The following CNIH3 variants were observed in gnomAD, a reference collection of about 807,000 sequenced individuals.
CNIH3 encodes cornichon family AMPA receptor auxiliary protein 3, also known as protein cornichon homolog 3.
CNIH3 carries 14 observed loss-of-function variants against 24.1 expected under a neutral mutation model. The observed-to-expected ratio is 0.58, with a 90% CI of 0.38 to 0.91. The LOEUF (loss-of-function observed/expected upper bound fraction) is 0.91, where lower values mean the gene tolerates loss of function less well. CNIH3 is among the 40% of genes least tolerant of loss of function. The pLI is 0.00. For synonymous variants in CNIH3, 68 were observed against 73.8 expected (o/e 0.92, Z 0.40); for missense variants, 178 against 196.8 (o/e 0.90, Z 0.57).
At chr1:224,434,863 G>T in intron 1 of CNIH3, 2 of 985,598 alleles carry the variant, frequency 2.0e-6, no homozygotes, top group Non-Finnish European at 1.2e-6. Context: ...CCGGTGGCAG[G>T]TATGGAACCT....
chr1:224,444,616 G>A (rs554561819), intron 1 of CNIH3, among the ~76,000 whole-genome samples: 78 of 151,710 alleles, frequency 5.1e-4, no homozygotes, highest in African/African-American at 1.8e-3. Flanking sequence ...CCAAAGTGCC[G>A]AGATTACAGG....
intron 2 of CNIH3, among the ~76,000 whole-genome samples, chr1:224,534,341 G>A (rs1679198173): frequency 6.6e-6 from 1 of 152,184 alleles, no homozygotes; most frequent in African/African-American, 2.4e-5. Context: ...ATGTCTGGTG[G>A]AGTCTGGAAA....
At chr1:224,669,359 C>T (rs1685752400) in intron 1 of CNIH3, among the ~76,000 whole-genome samples, 1 of 152,202 alleles carries the variant, frequency 6.6e-6, no homozygotes, top group African/African-American at 2.4e-5. Flanking sequence ...TCATTCAGGT[C>T]TAGGGACTCT....
chr1:224,587,665 A>C (rs1681567481), intron 5 of CNIH3, among the ~76,000 whole-genome samples: 1 of 152,210 alleles, frequency 6.6e-6, no homozygotes, highest in Admixed American at 6.5e-5. Flanking sequence ...CAGGCCGGGC[A>C]TAGTGGCTTA....
intron 1 of CNIH3, among the ~76,000 whole-genome samples, chr1:224,625,914 G>A (rs978946513): frequency 1.3e-5 from 2 of 152,006 alleles, no homozygotes; most frequent in Non-Finnish European, 1.5e-5. Context: ...TCAAGATAGC[G>A]ATCCCACTGC....
chr1:224,563,466 T>TGTGTGC (rs1045718013), intron 3 of CNIH3, among the ~76,000 whole-genome samples: 1 of 115,066 alleles, frequency 8.7e-6, no homozygotes, highest in African/African-American at 3.3e-5. Flanking sequence ...ACGGGGTGTG[T>TGTGTGC]GTGTGTGTGT....
chr1:224,655,078 G>C (rs1460648806), intron 1 of CNIH3, among the ~76,000 whole-genome samples: 1 of 152,206 alleles, frequency 6.6e-6, no homozygotes, highest in East Asian at 1.9e-4. Flanking sequence ...GGATGATGTG[G>C]CACCAGGATC....
intron 2 of CNIH3, among the ~76,000 whole-genome samples, chr1:224,527,703 A>G (rs1218687887): frequency 2.0e-5 from 3 of 152,190 alleles, no homozygotes; most frequent in African/African-American, 7.2e-5. Context: ...CAGGACTCAT[A>G]TATAGAGTTT....
chr1:224,502,510 G>A (rs531340638), intron 1 of CNIH3, among the ~76,000 whole-genome samples: 2 of 152,324 alleles, frequency 1.3e-5, no homozygotes, highest in South Asian at 4.1e-4. Context: ...CTCCTGGCTT[G>A]CATGAGCAGA....
At chr1:224,668,044 A>G (rs180836442) in intron 1 of CNIH3, among the ~76,000 whole-genome samples, 8 of 152,354 alleles carry the variant, frequency 5.3e-5, no homozygotes, top group African/African-American at 1.4e-4. Context: ...TAAGAACACA[A>G]GGAACAGAAA....
intron 3 of CNIH3, among the ~76,000 whole-genome samples, chr1:224,554,755 CATT>C (rs1680066476): frequency 6.6e-6 from 1 of 151,902 alleles, no homozygotes; most frequent in East Asian, 1.9e-4. Flanking sequence ...AGATAATAAT[CATT>C]ATTGTTTTTG....
chr1:224,472,171 A>T (rs1254816401), intron 1 of CNIH3, among the ~76,000 whole-genome samples: 1 of 152,152 alleles, frequency 6.6e-6, no homozygotes, highest in Non-Finnish European at 1.5e-5. Flanking sequence ...TGGTTGTACT[A>T]ATTTACATTC....
chr1:224,538,193 TC>T (rs914000087), downstream of CNIH3, among the ~76,000 whole-genome samples: 5 of 151,964 alleles, frequency 3.3e-5, no homozygotes, highest in Non-Finnish European at 7.4e-5. Context: ...AAGTGATCCA[TC>T]CGCATCAGCC....
chr1:224,463,117 C>T (rs935074221), intron 1 of CNIH3, among the ~76,000 whole-genome samples: 3 of 151,836 alleles, frequency 2.0e-5, no homozygotes, highest in Non-Finnish European at 2.9e-5. Flanking sequence ...AGGATGGTCT[C>T]GATCTCTTGA....
chr1:224,507,024 T>C (rs1677948735), intron 1 of CNIH3, among the ~76,000 whole-genome samples: 1 of 152,076 alleles, frequency 6.6e-6, no homozygotes, highest in Non-Finnish European at 1.5e-5. Flanking sequence ...CCACCACACC[T>C]GGCTAATTTT....
chr1:224,444,002 G>A (rs964820252), intron 1 of CNIH3, among the ~76,000 whole-genome samples: 6 of 152,244 alleles, frequency 3.9e-5, no homozygotes, highest in South Asian at 2.1e-4. Flanking sequence ...TTATTATGCA[G>A]TATTTTAAAC....
Position 224,739,412 on chromosome 1 carries a change from G to A in CNIH3, c.*56G>A. The A allele has an allele frequency of 6.3e-7, 1 of 1,589,808 alleles. No homozygotes were observed. The highest frequency in any genetic ancestry group is 8.5e-7 in the Non-Finnish European group (1 of 1,173,130). ...AGATGGGAGAGGCCTGAGACGGAGA[G>A]GTGCATTTCTGCTGGTGACTGGAGG... On this transcript the variant is annotated 3_prime_UTR_variant, in exon 6 of 6. Coordinates refer to ENST00000272133, the MANE Select transcript of CNIH3 (RefSeq NM_152495.2).
chr1:224,489,438 CT>C (rs1677157437), intron 1 of CNIH3, among the ~76,000 whole-genome samples: 1 of 151,950 alleles, frequency 6.6e-6, no homozygotes, highest in Admixed American at 6.6e-5. Flanking sequence ...TTTTTTCTGA[CT>C]TTTAGCTGCC....
At chr1:224,512,289 C>T (rs980924644), upstream of CNIH3, among the ~76,000 whole-genome samples, 1 of 151,990 alleles carries the variant, frequency 6.6e-6, no homozygotes, top group African/African-American at 2.4e-5. Context: ...TTGAGACTAG[C>T]CTGGGCAAGA....
Sources: gnomAD v4.1 joint callset for allele counts (sites outside exome capture counted in the v4.1 genomes callset) on GRCh38, gnomAD v4.1.1 for gene constraint, MANE v1.5 for transcripts, NCBI Gene and HGNC (gene_info 2026-07-23, HGNC 2026-07-21) for gene names.